Variants in FAR2 observed in about 807,000 individuals in gnomAD.
The protein encoded by FAR2 is fatty acyl-CoA reductase 2.
In FAR2, 19 loss-of-function variants were observed where a neutral mutation model predicts 56.0. That is an observed-to-expected ratio of 0.34 (90% CI 0.24 to 0.50). FAR2 has a LOEUF of 0.50. Ranked by LOEUF, FAR2 falls within the 20% of genes least tolerant of loss-of-function variation. The pLI, the probability that FAR2 is intolerant of heterozygous loss-of-function variation, is 0.98. For synonymous variants in FAR2, 219 were observed against 218.8 expected, an observed-to-expected ratio of 1.00 and a Z score of -0.01; for missense variants, 508 against 642.2, an observed-to-expected ratio of 0.79 and a Z score of 2.26.
At chr12:29,291,303 C>T (rs544715826) in intron 2 of FAR2, 298 of 440,798 alleles carry the variant, frequency 6.8e-4, no homozygotes, top group Non-Finnish European at 1.2e-3. Context: ...CCTGCAGAGG[C>T]GGTTAAGAAA....
chr12:29,255,400 A>G (rs1413502030), intron 1 of FAR2, among the ~76,000 whole-genome samples: 1 of 152,112 alleles, frequency 6.6e-6, no homozygotes, highest in East Asian at 1.9e-4. Flanking sequence ...CTTTTTCCAA[A>G]TACTATCACA....
intron 1 of FAR2, among the ~76,000 whole-genome samples, chr12:29,165,967 A>C (rs537684209): frequency 6.6e-6 from 1 of 152,376 alleles, no homozygotes; most frequent in Non-Finnish European, 1.5e-5. Context: ...GTCCTATAGC[A>C]GTTAGAAGTT....
rs986412913 is a variant in FAR2, at chr12:29,307,452, T to C, written c.546-206T>C. On this transcript the variant is annotated intron_variant, in intron 4 of 11. Transcript: ENST00000536681. ...ACCTATCTGTTTGGATGGGAGGGCA[T>C]AGGATAAGATTGGGCTTAGCAGTGA... 5.3e-5 allele frequency among the ~76,000 whole-genome samples: 8 copies of C among 151,794 alleles called. No individual in the cohort carries two copies. In the East Asian group the frequency reaches 7.7e-4, roughly 15 times the overall value.
chr12:29,264,659 A>ATAAAT (rs1555116340), intron 1 of FAR2, among the ~76,000 whole-genome samples: 1 of 86,058 alleles, frequency 1.2e-5, no homozygotes, highest in African/African-American at 4.8e-5. Flanking sequence ...AAATAAATAA[A>ATAAAT]GGAGAGAGAG....
intron 2 of FAR2, among the ~76,000 whole-genome samples, chr12:29,275,222 A>C (rs939579441): frequency 4.6e-5 from 7 of 151,788 alleles, no homozygotes; most frequent in African/African-American, 1.7e-4. Context: ...GTAAAGGAAA[A>C]AGGTGGGTTG....
Position 29,325,190 on chromosome 12 carries a change from G to C in FAR2, c.1257+3266G>C, listed in dbSNP as rs866722342. Among the ~76,000 whole-genome samples, 29 of 152,300 alleles carry C rather than the reference G, an allele frequency of 1.9e-4. No homozygotes were observed. The Middle Eastern group carries it at 0.01, about 54-fold the overall frequency. On this transcript the variant is annotated intron_variant, in intron 10 of 11. Transcript: ENST00000536681. ...AATGGTAAAGGGATCAATTCAGCAA[G>C]AAGAGCTAACTATCCTAAATATATA...
intron 1 of FAR2, among the ~76,000 whole-genome samples, chr12:29,176,214 A>G (rs936182735): frequency 1.3e-5 from 2 of 152,258 alleles, no homozygotes; most frequent in Non-Finnish European, 2.9e-5. Flanking sequence ...TTATTTAAAG[A>G]AAAGATTTAA....
At chr12:29,279,977 T>C (rs1948761967) in intron 2 of FAR2, among the ~76,000 whole-genome samples, 2 of 150,800 alleles carry the variant, frequency 1.3e-5, no homozygotes, top group African/African-American at 4.9e-5. Context: ...CAGGCTGGAG[T>C]GGAGTGGCAC....
chr12:29,198,062 C>T (rs1222818828), intron 1 of FAR2, among the ~76,000 whole-genome samples: 1 of 151,952 alleles, frequency 6.6e-6, no homozygotes, highest in East Asian at 1.9e-4. Flanking sequence ...TTTATAGCTG[C>T]GAACAGCTGT....
Position 29,332,220 on chromosome 12 carries a change from G to A in FAR2, c.1258-380G>A, listed in dbSNP as rs938615121. Among the ~76,000 whole-genome samples the A allele has an allele frequency of 1.4e-4, 21 of 152,310 alleles. 3 individuals are homozygous for A. Among genetic ancestry groups the A allele is most frequent in the Admixed American group, 1.2e-3 (18 of 15,286 alleles). On this transcript the variant is annotated intron_variant, in intron 10 of 11. Transcript: ENST00000536681. ...TAACACCAAAATTTAAGAGGAAAGG[G>A]AAAGTTGCATCATTTATGTTTTGGT...
At chr12:29,239,452 C>CTG (rs34821915) in intron 1 of FAR2, among the ~76,000 whole-genome samples, 53,975 of 147,546 alleles carry the variant, frequency 0.37, 10,473 homozygotes, top group Admixed American at 0.51. Context: ...AATGAATCAA[C>CTG]TGTGTGTGTG....
At chr12:29,281,226 G>C (rs559302433) in intron 2 of FAR2, 2 of 151,320 alleles carry the variant, frequency 1.3e-5, no homozygotes, top group Non-Finnish European at 2.9e-5. Context: ...CGAAGTTGAA[G>C]AAAAAATAAA....
chr12:29,275,364 T>C (rs1394621962), intron 2 of FAR2, among the ~76,000 whole-genome samples: 1 of 152,022 alleles, frequency 6.6e-6, no homozygotes, highest in Non-Finnish European at 1.5e-5. Flanking sequence ...TTCACTTCTT[T>C]TGTGGTGGAA....
chr12:29,257,457 C>G (rs1448668269), intron 1 of FAR2, among the ~76,000 whole-genome samples: 1 of 152,188 alleles, frequency 6.6e-6, no homozygotes, highest in Admixed American at 6.5e-5. Context: ...TAAAAGCAGG[C>G]TGCCCAAGCC....
intron 1 of FAR2, among the ~76,000 whole-genome samples, chr12:29,234,057 A>T (rs1008950493): frequency 1.1e-4 from 17 of 151,988 alleles, no homozygotes; most frequent in African/African-American, 4.1e-4. Context: ...TTTCTCCTCT[A>T]TGTTCAGTCT....
At chr12:29,252,424 C>A (rs1047890961) in intron 1 of FAR2, among the ~76,000 whole-genome samples, 1 of 152,154 alleles carries the variant, frequency 6.6e-6, no homozygotes, top group Non-Finnish European at 1.5e-5. Context: ...GCTATAAATA[C>A]CAGCTATGAC....
chr12:29,185,905 A>G (rs770256380), intron 1 of FAR2, among the ~76,000 whole-genome samples: 1 of 152,182 alleles, frequency 6.6e-6, no homozygotes, highest in Non-Finnish European at 1.5e-5. Context: ...CCCCATAGAC[A>G]GAAGGAAAAA....
chr12:29,284,998 C>T (rs1024588967), intron 2 of FAR2, among the ~76,000 whole-genome samples: 1 of 152,118 alleles, frequency 6.6e-6, no homozygotes, highest in African/African-American at 2.4e-5. Context: ...CCCGCCACCA[C>T]GCCCGGCTAA....
intron 10 of FAR2, 125 bp downstream of exon 10, chr12:29,322,049 G>A: frequency 8.7e-7 from 1 of 1,144,160 alleles, no homozygotes; most frequent in Non-Finnish European, 1.2e-6. Context: ...GTTTTGCTTT[G>A]TTTTTCTAAG....
Sources: allele counts gnomAD v4.1 joint callset (sites outside exome capture counted in the v4.1 genomes callset), GRCh38; gene constraint gnomAD v4.1.1; transcripts MANE v1.5; gene names NCBI Gene and HGNC (gene_info 2026-07-23, HGNC 2026-07-21).